The following TRIM49 variants were observed in gnomAD, a reference collection of about 807,000 sequenced individuals.
TRIM49 encodes the protein tripartite motif-containing protein 49.
Under a neutral mutation model 27.4 loss-of-function variants are expected in TRIM49, and 5 were observed. That is an observed-to-expected ratio of 0.18 (90% CI 0.10 to 0.38). The LOEUF (loss-of-function observed/expected upper bound fraction) is 0.38, where lower values mean the gene tolerates loss of function less well. Among genes scored for constraint, TRIM49 ranks in the 10% least tolerant of loss-of-function variants. The pLI is 1.00. For missense variants in TRIM49, 188 were observed against 487.5 expected, an observed-to-expected ratio of 0.39 and a Z score of 5.79; for synonymous variants, 69 against 166.0, an observed-to-expected ratio of 0.42 and a Z score of 4.49.
At chr11:89,792,634 C>T in the TRIM49 span, among the ~76,000 whole-genome samples, 1 of 152,106 alleles carries the variant, frequency 6.6e-6, no homozygotes, top group African/African-American at 2.4e-5. Context: ...CAACCTGCTC[C>T]TGAATGACTA....
chr11:89,805,139 A>C (rs1233431460), intron 2 of TRIM49, among the ~76,000 whole-genome samples: 1 of 151,806 alleles, frequency 6.6e-6, no homozygotes, highest in Non-Finnish European at 1.5e-5. Context: ...ACTAGTAGGG[A>C]AAAGAAAAAT....
the TRIM49 span, among the ~76,000 whole-genome samples, chr11:89,770,853 G>A: frequency 6.3e-5 from 9 of 141,984 alleles, no homozygotes; most frequent in South Asian, 2.2e-4. Flanking sequence ...GTGACAGAGC[G>A]AGACTCTGTC....
At chr11:89,798,764 A>G (rs1949713714) in intron 7 of TRIM49, 135 bp from the exon 8 acceptor site, 5 of 1,256,384 alleles carry the variant, frequency 4.0e-6, no homozygotes, top group Non-Finnish European at 4.1e-6. Flanking sequence ...AGTAAAGTAT[A>G]GAGATGGTTA....
chr11:89,773,028 T>TA, the TRIM49 span, among the ~76,000 whole-genome samples: 1 of 135,932 alleles, frequency 7.4e-6, no homozygotes, highest in Non-Finnish European at 1.5e-5. Context: ...TTATCTCTAC[T>TA]AAAAATACCA....
At chr11:89,782,102 G>T in the TRIM49 span, 2 of 1,550,644 alleles carry the variant, frequency 1.3e-6, no homozygotes, top group Non-Finnish European at 1.7e-6. Flanking sequence ...AGTCTGTCGA[G>T]ATTCCAGAAC....
Position 89,804,105 on chromosome 11 carries a change from C to T in TRIM49, c.365G>A (p.Arg122Gln), listed in dbSNP as rs773662352. Reference protein sequence around the residue: ...CLLCSSSQEHRYHRHRPIEWA... With the variant: ...CLLCSSSQEHQYHRHRPIEWA... ...CTCAATGGGACGGTGTCTGTGATAC[C>T]GGTGCTCCTGAGAGCTGGAGCACAG... Residue 122 changes from arginine to glutamine, a missense_variant, in exon 3 of 8, where the codon CGG becomes CAG. Arg to Gln is a conservative substitution (Grantham distance 43). Transcript: ENST00000329758. 2.9e-5 allele frequency: 47 copies of T among 1,606,882 alleles called. No homozygotes were observed. The highest frequency in any genetic ancestry group is 2.2e-4 in the African/African-American group (16 of 73,404).
the TRIM49 span, among the ~76,000 whole-genome samples, chr11:89,775,490 G>GGGA: frequency 9.7e-6 from 1 of 103,174 alleles, no homozygotes; most frequent in African/African-American, 5.5e-5. Flanking sequence ...AGTCACTAAG[G>GGGA]GGAAAGGTGA....
chr11:89,797,007 T>A (rs1197935227), downstream of TRIM49, among the ~76,000 whole-genome samples: 3 of 152,184 alleles, frequency 2.0e-5, no homozygotes, highest in Admixed American at 1.3e-4. Context: ...CAGCCATGAA[T>A]AAATTTCATT....
At position 89,803,598 on chromosome 11, in the gene TRIM49, A is replaced by G; in HGVS notation, c.507+100T>C. 4 of 1,462,932 alleles carry G rather than the reference A, an allele frequency of 2.7e-6. No homozygotes were observed. In the South Asian group the frequency reaches 5.4e-5, roughly 20 times the overall value. The allele number at this position is 1,462,932 out of a possible 1,614,324, so 90.6% of individuals were successfully genotyped here. A position where few individuals can be genotyped will look rare whatever the true frequency, so the allele number is the denominator to read the frequency against. ...TCTCTCGCCTTTTTTTTTTTACTGTATCCCAGAAACATTACAGTTTGATAT... is the reference window on the plus strand; with the variant it reads ...TCTCTCGCCTTTTTTTTTTTACTGTGTCCCAGAAACATTACAGTTTGATAT... On this transcript the variant is annotated intron_variant, in intron 4 of 7. Coordinates refer to ENST00000329758, the MANE Select transcript of TRIM49 (RefSeq NM_020358.2).
chr11:89,777,473 G>A, the TRIM49 span: 1 of 1,504,126 alleles, frequency 6.6e-7, no homozygotes, highest in African/African-American at 1.4e-5. Context: ...TGATGAGAAT[G>A]CAGATGATGG....
At chr11:89,785,890 TG>T in the TRIM49 span, 1 of 143,734 alleles carries the variant, frequency 7.0e-6, no homozygotes, top group African/African-American at 2.8e-5. Context: ...GCAGGGACCT[TG>T]GCGGGCACTA....
In TRIM49 at chr11:89,797,956, A is replaced by G; in HGVS notation, c.*174T>C. On this transcript the variant is annotated 3_prime_UTR_variant, in exon 8 of 8. Coordinates refer to ENST00000329758, the MANE Select transcript of TRIM49 (RefSeq NM_020358.2). ...ATAAAGAACCAATACGTATACTTTT[A>G]GCGTTTTCAGCATATTTAATAGTAA... 3.0e-6 allele frequency: 1 copy of G among 337,070 alleles called. No individual in the cohort carries two copies. Among genetic ancestry groups the G allele is most frequent in the South Asian group, 3.8e-5 (1 of 25,988 alleles). The allele number at this position is 337,070 out of a possible 1,614,324, so 20.9% of individuals were successfully genotyped here. A position where few individuals can be genotyped will look rare whatever the true frequency, so the allele number is the denominator to read the frequency against.
At chr11:89,800,006 G>A (rs1565445726) in intron 6 of TRIM49, among the ~76,000 whole-genome samples, 193 bp from the exon 7 acceptor site, 1 of 150,080 alleles carries the variant, frequency 6.7e-6, no homozygotes, top group East Asian at 2.0e-4. Flanking sequence ...ATCTAAGCCA[G>A]AATCCAATCT....
At chr11:89,794,967 GA>G (rs1949677882), downstream of TRIM49, among the ~76,000 whole-genome samples, 1 of 151,160 alleles carries the variant, frequency 6.6e-6, no homozygotes, top group East Asian at 2.0e-4. Flanking sequence ...CAGAATGGGA[GA>G]AAATTTTTGC....
chr11:89,798,385 A>C lies in TRIM49; in HGVS notation c.1104T>G (p.Asn368Lys). The stretch of plus-strand genomic sequence containing the variant: ...GTCCCGCCTTTCCATCTATCTTCTC[A>C]TTCTGATTCTTCTCTTTCCGATACA... ...CNMYRKEKNQ[N>K]EKIDGKAGLF... Residue 368 changes from asparagine (N) to lysine (K), a missense_variant, in exon 8 of 8, where the codon AAT becomes AAG. Transcript: ENST00000329758. The C allele has an allele frequency of 6.2e-7, 1 of 1,600,250 alleles. No individual in the cohort carries two copies.
intron 7 of TRIM49, 133 bp from the exon 8 acceptor site, chr11:89,798,762 A>T: frequency 7.9e-7 from 1 of 1,263,316 alleles, no homozygotes; most frequent in Non-Finnish European, 1.0e-6. Flanking sequence ...CTAGTAAAGT[A>T]TAGAGATGGT....
the TRIM49 span, among the ~76,000 whole-genome samples, chr11:89,780,114 G>A: frequency 8.8e-6 from 1 of 113,064 alleles, no homozygotes; most frequent in Non-Finnish European, 2.0e-5. Flanking sequence ...GGCTGAGGAG[G>A]GATATTTTGC....
the TRIM49 span, among the ~76,000 whole-genome samples, chr11:89,773,867 G>A: frequency 7.3e-6 from 1 of 136,366 alleles, no homozygotes; most frequent in Non-Finnish European, 1.5e-5. Flanking sequence ...AACTGGAGAT[G>A]CAGAGGTTGC....
chr11:89,767,543 T>C, the TRIM49 span, among the ~76,000 whole-genome samples: 1 of 125,694 alleles, frequency 8.0e-6, no homozygotes, highest in Admixed American at 7.4e-5. Context: ...AAAATCTGAA[T>C]CTGCCTTCTG....
Sources: allele counts gnomAD v4.1 joint callset (sites outside exome capture counted in the v4.1 genomes callset), GRCh38; gene constraint gnomAD v4.1.1; transcripts MANE v1.5; gene names NCBI Gene and HGNC (gene_info 2026-07-23, HGNC 2026-07-21).